The following GRM7 variants were observed in gnomAD, a reference collection of about 807,000 sequenced individuals.
GRM7 encodes metabotropic glutamate receptor 7.
GRM7 carries 35 observed loss-of-function variants against 84.5 expected under a neutral mutation model. The observed-to-expected ratio is 0.41, with a 90% CI of 0.32 to 0.55. The LOEUF (loss-of-function observed/expected upper bound fraction) is 0.55, where lower values mean the gene tolerates loss of function less well. GRM7 is among the 20% of genes least tolerant of loss of function. The probability of loss-of-function intolerance (pLI) is 0.19; values close to 1 mark genes in which losing one functional copy is unlikely to be tolerated. For synonymous variants in GRM7, 487 were observed against 455.1 expected (o/e 1.07, Z -0.89); for missense variants, 1,003 against 1,194.6 (o/e 0.84, Z 2.36).
chr3:6,862,602 C>T lies in GRM7; in HGVS notation c.519+695C>T, dbSNP rs1395690311. On this transcript the variant is annotated intron_variant, in intron 1 of 9. Coordinates refer to ENST00000357716, the MANE Select transcript of GRM7 (RefSeq NM_000844.4). This position sits in a 1 kb window ranked among gnomAD's most constrained non-coding sequence, Gnocchi z 5.2. ...GCAATATTTTGCACCGTCTAAATTA[C>T]ATGTGCGATCCGGCCACTGGCCGGA... The T allele has an allele frequency of 1.0e-5, 2 of 197,898 alleles. No individual in the cohort carries two copies. Among genetic ancestry groups the T allele is most frequent in the East Asian group, 3.4e-4 (2 of 5,920 alleles). 12.3% of individuals were successfully genotyped at this position (197,898 alleles called of 1,614,324 possible).
chr3:6,890,890 G>A (rs147034544), intron 1 of GRM7, among the ~76,000 whole-genome samples: 2,899 of 152,184 alleles, frequency 0.019, 46 homozygotes, highest in Non-Finnish European at 0.027. Context: ...GGTCACTCAG[G>A]ACTTGCTTTA....
chr3:7,199,555 C>T (rs1695995128), intron 2 of GRM7, among the ~76,000 whole-genome samples: 1 of 152,192 alleles, frequency 6.6e-6, no homozygotes, highest in Non-Finnish European at 1.5e-5. Flanking sequence ...GGAGGATGAA[C>T]AGATTTTACT....
intron 8 of GRM7, among the ~76,000 whole-genome samples, chr3:7,656,543 G>GCACACATACACA (rs140409240): frequency 8.3e-6 from 1 of 119,890 alleles, no homozygotes; most frequent in African/African-American, 2.9e-5. Flanking sequence ...ATATATACGC[G>GCACACATACACA]CGCGCACACA....
chr3:7,513,995 T>C (rs548107304), intron 7 of GRM7, among the ~76,000 whole-genome samples: 1 of 152,354 alleles, frequency 6.6e-6, no homozygotes, highest in East Asian at 1.9e-4. Flanking sequence ...ATCACTTCAC[T>C]ACTAACTGTG....
In GRM7 at chr3:7,064,461, T is replaced by C. The variant is rs536924035; in HGVS notation, c.520-81991T>C. Among the ~76,000 whole-genome samples the C allele has an allele frequency of 3.3e-4, 26 of 78,724 alleles. No homozygotes were observed. The East Asian group carries it at 6.5e-3, about 20-fold the overall frequency. 51.6% of individuals were successfully genotyped at this position (78,724 alleles called of 152,430 possible). ...GTATTCCCTCATGTATGGATATATA[T>C]ACATATATATATATATATACACACA... is the stretch of plus-strand genomic sequence containing the variant. On this transcript the variant is annotated intron_variant, in intron 1 of 9. Transcript: ENST00000357716.
At chr3:7,686,262 C>A (rs112864389) in intron 9 of GRM7, 2 of 627,968 alleles carry the variant, frequency 3.2e-6, no homozygotes, top group Non-Finnish European at 5.8e-6. Context: ...TGGTCTCTAT[C>A]GCAGCCTTTT....
intron 2 of GRM7, among the ~76,000 whole-genome samples, chr3:7,296,486 A>G (rs1699819060): frequency 6.6e-6 from 1 of 152,030 alleles, no homozygotes; most frequent in Non-Finnish European, 1.5e-5. Context: ...GATAGAATTC[A>G]TCAGTTAAAC....
chr3:7,536,373 C>T (rs1036364388), intron 7 of GRM7, among the ~76,000 whole-genome samples: 12 of 152,184 alleles, frequency 7.9e-5, no homozygotes, highest in Admixed American at 1.3e-4. Flanking sequence ...GTCTCAGCAA[C>T]GAACAAAAAC....
chr3:7,071,989 A>G (rs966174814), intron 1 of GRM7, among the ~76,000 whole-genome samples: 3 of 152,156 alleles, frequency 2.0e-5, no homozygotes, highest in Non-Finnish European at 4.4e-5. Context: ...TGTTAAATTC[A>G]GTTTCCTTAT....
intron 4 of GRM7, among the ~76,000 whole-genome samples, chr3:7,385,362 G>A (rs567927432): frequency 5.0e-4 from 68 of 134,782 alleles, no homozygotes; most frequent in African/African-American, 1.2e-3. Context: ...GTGCAGTGGC[G>A]TGATCTTGGC....
At chr3:7,063,348 G>A (rs1310743726) in intron 1 of GRM7, among the ~76,000 whole-genome samples, 1 of 151,656 alleles carries the variant, frequency 6.6e-6, no homozygotes, top group Non-Finnish European at 1.5e-5. Flanking sequence ...CTCACAGACT[G>A]CTGTTCCCTG....
chr3:7,084,139 T>TG (rs1178631445), intron 1 of GRM7, among the ~76,000 whole-genome samples: 2 of 152,140 alleles, frequency 1.3e-5, no homozygotes, highest in African/African-American at 4.8e-5. Flanking sequence ...GCAAATCATT[T>TG]GGGCTACTCT....
intron 1 of GRM7, among the ~76,000 whole-genome samples, chr3:7,130,492 G>A (rs1378274414): frequency 4.7e-5 from 7 of 149,896 alleles, no homozygotes; most frequent in East Asian, 3.9e-4. Flanking sequence ...GCAGGGAGCC[G>A]AGATCGCACC....
chr3:7,148,304 A>T (rs1467258429), intron 2 of GRM7, among the ~76,000 whole-genome samples: 1 of 151,280 alleles, frequency 6.6e-6, no homozygotes, highest in Non-Finnish European at 1.5e-5. Flanking sequence ...AATTGAATAG[A>T]TAAAATAAGA....
At chr3:7,378,931 T>A (rs1227278260) in intron 4 of GRM7, among the ~76,000 whole-genome samples, 1 of 152,222 alleles carries the variant, frequency 6.6e-6, no homozygotes, top group African/African-American at 2.4e-5. Context: ...AATGCATGAC[T>A]GCAATGCCAT....
chr3:6,948,250 T>C (rs944829391), intron 1 of GRM7, among the ~76,000 whole-genome samples: 7 of 152,280 alleles, frequency 4.6e-5, no homozygotes, highest in African/African-American at 1.4e-4. Flanking sequence ...TTCTGGTATG[T>C]TGTGTCTTTG....
chr3:7,572,915 T>G (rs1341011326), intron 7 of GRM7, among the ~76,000 whole-genome samples: 1 of 113,874 alleles, frequency 8.8e-6, no homozygotes, highest in Admixed American at 9.1e-5. Context: ...TCTTTCTATG[T>G]GGAGTACATT....
At chr3:7,048,760 A>G (rs566994026) in intron 1 of GRM7, among the ~76,000 whole-genome samples, 1 of 152,016 alleles carries the variant, frequency 6.6e-6, no homozygotes, top group Non-Finnish European at 1.5e-5. Context: ...TGTCTTGGCA[A>G]TTTTCAAGAT....
chr3:7,416,054 C>G (rs1338255826), intron 5 of GRM7, among the ~76,000 whole-genome samples: 1 of 152,034 alleles, frequency 6.6e-6, no homozygotes, highest in South Asian at 2.1e-4. Context: ...TTGGAGAATT[C>G]TGATTAAACA....
Sources: allele counts gnomAD v4.1 joint callset (sites outside exome capture counted in the v4.1 genomes callset), GRCh38; gene constraint gnomAD v4.1.1; non-coding constraint Gnocchi (gnomAD v3.1); transcripts MANE v1.5; gene names NCBI Gene and HGNC (gene_info 2026-07-23, HGNC 2026-07-21).